The following PLCL1 variants were observed in gnomAD, a reference collection of about 807,000 sequenced individuals.
PLCL1 encodes the protein inactive phospholipase C-like protein 1.
In PLCL1, 41 loss-of-function variants were observed where a neutral mutation model predicts 84.4. The observed-to-expected ratio is 0.49, with a 90% CI of 0.38 to 0.63. The LOEUF (loss-of-function observed/expected upper bound fraction) is 0.63. Ranked by LOEUF, PLCL1 falls within the 30% of genes least tolerant of loss-of-function variation. The pLI, the probability that PLCL1 is intolerant of heterozygous loss-of-function variation, is 0.00. For missense variants in PLCL1, 1,206 were observed against 1,367.8 expected (o/e 0.88, Z 1.87); for synonymous variants, 490 against 488.3 (o/e 1.00, Z -0.05).
chr2:198,032,143 T>C (rs1474255279), intron 1 of PLCL1, among the ~76,000 whole-genome samples: 1 of 152,208 alleles, frequency 6.6e-6, no homozygotes, highest in Non-Finnish European at 1.5e-5. Context: ...ATCACATGTC[T>C]CTCAAAAATC....
At chr2:197,914,254 A>G (rs1462027616) in intron 1 of PLCL1, among the ~76,000 whole-genome samples, 1 of 152,200 alleles carries the variant, frequency 6.6e-6, no homozygotes, top group Non-Finnish European at 1.5e-5. Flanking sequence ...GTAAAGAAAA[A>G]GCAAAAAGTG....
At chr2:197,853,638 CT>C (rs1354583005) in intron 1 of PLCL1, among the ~76,000 whole-genome samples, 1 of 152,158 alleles carries the variant, frequency 6.6e-6, no homozygotes, top group African/African-American at 2.4e-5. Context: ...CTATTTCTCA[CT>C]GCCTCTGCTC....
At chr2:197,926,561 A>G (rs1000999148) in intron 1 of PLCL1, among the ~76,000 whole-genome samples, 7 of 152,118 alleles carry the variant, frequency 4.6e-5, no homozygotes, top group Admixed American at 4.6e-4. Context: ...TATTCATTTG[A>G]TGTTGCCTTT....
chr2:197,874,876 G>T (rs1687707963), intron 1 of PLCL1, among the ~76,000 whole-genome samples: 1 of 152,074 alleles, frequency 6.6e-6, no homozygotes, highest in Non-Finnish European at 1.5e-5. Flanking sequence ...ATAACTAATA[G>T]TTTACATAAT....
intron 1 of PLCL1, among the ~76,000 whole-genome samples, chr2:197,950,115 A>G (rs947164806): frequency 6.6e-6 from 1 of 152,186 alleles, no homozygotes; most frequent in Non-Finnish European, 1.5e-5. Flanking sequence ...TTCTCTTGAC[A>G]AAATTTAGGG....
At chr2:197,836,468 A>T (rs1461268239) in intron 1 of PLCL1, among the ~76,000 whole-genome samples, 4 of 151,000 alleles carry the variant, frequency 2.6e-5, no homozygotes, top group African/African-American at 9.7e-5. Context: ...AAAAAAAAAA[A>T]AAAAAAAAAT....
intron 1 of PLCL1, among the ~76,000 whole-genome samples, chr2:198,027,959 G>T (rs1460386603): frequency 6.6e-6 from 1 of 151,962 alleles, no homozygotes; most frequent in Non-Finnish European, 1.5e-5. Flanking sequence ...TCAGCCTCCT[G>T]AGTAGCTGGA....
chr2:198,146,018 T>A (rs1408064426), intron 5 of PLCL1, among the ~76,000 whole-genome samples: 1 of 152,164 alleles, frequency 6.6e-6, no homozygotes, highest in Non-Finnish European at 1.5e-5. Context: ...TGGGCCAGTA[T>A]CAGTATACGC....
chr2:197,922,758 T>A (rs868725514), intron 1 of PLCL1, among the ~76,000 whole-genome samples: 2 of 45,754 alleles, frequency 4.4e-5, no homozygotes, highest in Non-Finnish European at 9.3e-5. Context: ...CCGGACGGGG[T>A]GGCTGGCCGG....
intron 1 of PLCL1, among the ~76,000 whole-genome samples, chr2:197,899,313 A>T (rs1466468351): frequency 2.0e-5 from 3 of 152,028 alleles, no homozygotes; most frequent in Non-Finnish European, 4.4e-5. Context: ...GGAGGAAATG[A>T]ATTACTATCA....
chr2:197,850,031 GAC>G (rs5837563), intron 1 of PLCL1, among the ~76,000 whole-genome samples: 28,424 of 134,632 alleles, frequency 0.21, 2,936 homozygotes, highest in South Asian at 0.29. Flanking sequence ...GACACACACA[GAC>G]ACACACACAC....
intron 5 of PLCL1, among the ~76,000 whole-genome samples, chr2:198,140,135 T>C (rs1694350839): frequency 6.6e-6 from 1 of 152,138 alleles, no homozygotes; most frequent in African/African-American, 2.4e-5. Context: ...AGTTTCACCA[T>C]GTTGGCCGCG....
At position 198,052,774 on chromosome 2, in the gene PLCL1, G is replaced by A. The variant is rs190573248; in HGVS notation, c.241-30984G>A. 6.8e-4 allele frequency among the ~76,000 whole-genome samples: 104 copies of A among 152,242 alleles called. 3 individuals are homozygous for A. In the South Asian group the frequency reaches 0.013, roughly 19 times the overall value. Reference sequence around the variant, plus strand: ...AGGTAAGACAGGCTTTGCTGATTCTGGGCCTTGGACTGGCAGGGAAGAAGG... The same window carrying A: ...AGGTAAGACAGGCTTTGCTGATTCTAGGCCTTGGACTGGCAGGGAAGAAGG... On this transcript the variant is annotated intron_variant, in intron 1 of 5. Transcript: ENST00000428675.
chr2:198,132,994 T>C (rs1378847290), intron 5 of PLCL1, among the ~76,000 whole-genome samples: 32 of 151,564 alleles, frequency 2.1e-4, no homozygotes. Flanking sequence ...CCATCTTGAA[T>C]TGATTTTTGT....
chr2:198,030,522 C>T lies in PLCL1; in HGVS notation c.241-53236C>T, dbSNP rs540093521. ...TTACGAGCCTTCCCCTCTTTGAAGG[C>T]CAGCAGGGTAGTTGAATGTGTGTGT... On this transcript the variant is annotated intron_variant, in intron 1 of 5. Coordinates refer to ENST00000428675, the MANE Select transcript of PLCL1 (RefSeq NM_006226.4). Among the ~76,000 whole-genome samples the T allele has an allele frequency of 7.9e-5, 12 of 152,212 alleles. No individual in the cohort carries two copies. In the South Asian group the frequency reaches 1.0e-3, roughly 13 times the overall value.
chr2:197,945,649 C>T (rs966481641), intron 1 of PLCL1, among the ~76,000 whole-genome samples: 10 of 152,094 alleles, frequency 6.6e-5, no homozygotes, highest in Non-Finnish European at 1.0e-4. Context: ...TTCTTCAACT[C>T]GTGGTGCCTC....
Position 198,086,213 on chromosome 2 carries a change from A to C in PLCL1, c.2696A>C (p.Asp899Ala), listed in dbSNP as rs746317818. Reference protein sequence around the residue: ...IAVHPLREAIDMRENMQNAIV... With the variant: ...IAVHPLREAIAMRENMQNAIV... ...GTTCATCCATTACGAGAAGCCATAG[A>C]TATGAGAGAAAATATGCAGGTAGGA... is the stretch of plus-strand genomic sequence containing the variant. The change falls in exon 2 of 6, where the codon GAT (aspartate) becomes GCT (alanine). Residue 899 changes from aspartate (D) to alanine (A), a missense_variant. By Grantham distance (126) the Asp-to-Ala change is moderately radical. Transcript: ENST00000428675. 1 of 1,608,670 alleles carries C rather than the reference A, an allele frequency of 6.2e-7. No homozygotes were observed. Among genetic ancestry groups the C allele is most frequent in the East Asian group, 2.2e-5 (1 of 44,792 alleles).
intron 1 of PLCL1, among the ~76,000 whole-genome samples, chr2:197,900,800 C>G (rs916608051): frequency 9.9e-5 from 15 of 152,110 alleles, no homozygotes; most frequent in Non-Finnish European, 1.5e-4. Flanking sequence ...TTTTGACAAG[C>G]AGTAAAATCT....
intron 5 of PLCL1, among the ~76,000 whole-genome samples, chr2:198,112,858 A>G (rs1693654313): frequency 6.6e-6 from 1 of 151,808 alleles, no homozygotes; most frequent in Non-Finnish European, 1.5e-5. Context: ...CCCTCAACTC[A>G]CTTGGAATCT....
Sources: allele counts gnomAD v4.1 joint callset (sites outside exome capture counted in the v4.1 genomes callset), GRCh38; gene constraint gnomAD v4.1.1; transcripts MANE v1.5; gene names NCBI Gene and HGNC (gene_info 2026-07-23, HGNC 2026-07-21).